The following DOCK3 variants were observed in gnomAD, a reference collection of about 807,000 sequenced individuals.
The protein encoded by DOCK3 is dedicator of cytokinesis protein 3.
DOCK3 carries 60 observed loss-of-function variants against 265.6 expected under a neutral mutation model. The ratio of observed to expected loss-of-function variants is 0.23; its 90% CI spans 0.18 to 0.28. The LOEUF (loss-of-function observed/expected upper bound fraction) is 0.28. Among genes scored for constraint, DOCK3 ranks in the 10% least tolerant of loss-of-function variants. DOCK3 has a pLI of 1.00. For synonymous variants in DOCK3, 881 were observed against 938.0 expected, an observed-to-expected ratio of 0.94 and a Z score of 1.11; for missense variants, 1,981 against 2,594.3, an observed-to-expected ratio of 0.76 and a Z score of 5.14.
intron 32 of DOCK3, among the ~76,000 whole-genome samples, chr3:51,326,870 C>T (rs1165644460): frequency 6.6e-6 from 1 of 152,084 alleles, no homozygotes; most frequent in Non-Finnish European, 1.5e-5. Context: ...TGTGATCCAC[C>T]TGCCTCCATC....
In DOCK3 at chr3:51,380,203, G is replaced by T. The variant is rs1359432040; in HGVS notation, c.5579G>T (p.Arg1860Leu). 2 of 1,607,696 alleles carry T rather than the reference G, an allele frequency of 1.2e-6. No individual in the cohort carries two copies. Among genetic ancestry groups the T allele is most frequent in the Non-Finnish European group, 1.7e-6 (2 of 1,175,938 alleles). The change falls in exon 52 of 53, where the codon CGC (arginine) becomes CTC (leucine). Residue 1860 changes from arginine (R) to leucine (L), a missense_variant. Physicochemically the swap from Arg to Leu is moderately radical, Grantham distance 102. Coordinates refer to ENST00000266037, the MANE Select transcript of DOCK3 (RefSeq NM_004947.5). ...TPPALPARTL[R>L]KSPLHPIPAS... Reference sequence around the variant, plus strand: ...CCAGCCCTCCCTGCCCGGACCCTGCGCAAGGTAATGTACTGAAGCGGCAGC... The same window carrying T: ...CCAGCCCTCCCTGCCCGGACCCTGCTCAAGGTAATGTACTGAAGCGGCAGC...
intron 13 of DOCK3, 83 bp downstream of exon 13, chr3:51,208,945 T>C: frequency 1.6e-6 from 2 of 1,214,992 alleles, no homozygotes; most frequent in African/African-American, 3.0e-5. Context: ...TGGTGCAGAT[T>C]GGCTGCTGTA....
intron 13 of DOCK3, among the ~76,000 whole-genome samples, chr3:51,210,034 T>C (rs764361391): frequency 3.5e-4 from 53 of 152,262 alleles, no homozygotes; most frequent in Non-Finnish European, 6.6e-4. Context: ...GGGAAACTAC[T>C]ATTCACATCA....
chr3:51,312,984 C>A, intron 31 of DOCK3, 82 bp downstream of exon 31: 1 of 1,306,680 alleles, frequency 7.7e-7, no homozygotes, highest in Non-Finnish European at 1.1e-6. Context: ...ATCTCCCAGG[C>A]TTTATGAATG....
At chr3:51,334,340 A>G (rs1468507707) in intron 35 of DOCK3, among the ~76,000 whole-genome samples, 2 of 152,296 alleles carry the variant, frequency 1.3e-5, no homozygotes, top group East Asian at 3.9e-4. Flanking sequence ...GCTCCAAGCA[A>G]TAGTTGCCTT....
At chr3:50,697,539 C>T (rs71326945) in intron 1 of DOCK3, among the ~76,000 whole-genome samples, 14,390 of 152,122 alleles carry the variant, frequency 0.095, 839 homozygotes, top group Non-Finnish European at 0.12. Context: ...TGCAGTGAGC[C>T]GAGATCGTGC....
At chr3:51,188,005 G>A (rs1179232313) in intron 12 of DOCK3, among the ~76,000 whole-genome samples, 1 of 152,142 alleles carries the variant, frequency 6.6e-6, no homozygotes, top group African/African-American at 2.4e-5. Flanking sequence ...GATAACGTGG[G>A]CAGAGTGGGC....
intron 5 of DOCK3, among the ~76,000 whole-genome samples, chr3:50,938,694 A>G (rs1258594570): frequency 1.3e-5 from 2 of 152,056 alleles, no homozygotes; most frequent in Admixed American, 1.3e-4. Flanking sequence ...AATAAAAGCT[A>G]TATCAAAATG....
At position 51,064,512 on chromosome 3, in the gene DOCK3, G is replaced by A; in HGVS notation, c.380G>A (p.Arg127Lys). Residue 127 changes from arginine to lysine, a missense_variant, in exon 6 of 53, where the codon AGG (arginine) becomes AAG (lysine). Physicochemically the swap from Arg to Lys is conservative, Grantham distance 26 (BLOSUM62 2). Around this residue, in one of 4 missense-constraint regions of DOCK3, gnomAD observed 456 missense variants for 539.0 expected, o/e 0.85. Coordinates refer to ENST00000266037, the MANE Select transcript of DOCK3 (RefSeq NM_004947.5). ...ATGAATGAACTTATTGACCTGCGAA[G>A]GCAGCTACTGTCTGGTCACCTGACT... ...HVMNELIDLR[R>K]QLLSGHLTQD... 6.2e-7 allele frequency: 1 copy of A among 1,613,998 alleles called. No homozygotes were observed. The highest frequency in any genetic ancestry group is 8.5e-7 in the Non-Finnish European group (1 of 1,179,878).
chr3:50,961,052 C>T (rs910736723), intron 5 of DOCK3, among the ~76,000 whole-genome samples: 1 of 152,126 alleles, frequency 6.6e-6, no homozygotes, highest in African/African-American at 2.4e-5. Flanking sequence ...TGTCTTTATA[C>T]AAATACCACA....
intron 27 of DOCK3, 47 bp from the exon 28 acceptor site, chr3:51,310,185 G>A (rs763378117): frequency 1.4e-6 from 2 of 1,467,320 alleles, no homozygotes; most frequent in Non-Finnish European, 1.9e-6. Flanking sequence ...TTGAGGAGAT[G>A]CATATTGTGG....
At chr3:50,947,350 A>G (rs982432790) in intron 5 of DOCK3, among the ~76,000 whole-genome samples, 2 of 152,072 alleles carry the variant, frequency 1.3e-5, no homozygotes, top group African/African-American at 2.4e-5. Context: ...TAAGTAGTCA[A>G]ATTATTTAGA....
intron 2 of DOCK3, among the ~76,000 whole-genome samples, chr3:50,822,472 A>G (rs1481604587): frequency 2.0e-5 from 3 of 152,176 alleles, no homozygotes; most frequent in Admixed American, 6.5e-5. Flanking sequence ...TTATACAATA[A>G]AGATTTAAGG....
At chr3:50,958,945 ATT>A (rs2076807348) in intron 5 of DOCK3, among the ~76,000 whole-genome samples, 1 of 152,164 alleles carries the variant, frequency 6.6e-6, no homozygotes, top group Non-Finnish European at 1.5e-5. Context: ...AAATTCATTC[ATT>A]TTAAGTATAG....
chr3:51,357,250 C>G, intron 44 of DOCK3, 109 bp downstream of exon 44: 2 of 1,254,740 alleles, frequency 1.6e-6, no homozygotes, highest in Non-Finnish European at 2.2e-6. Flanking sequence ...TCCCTACATG[C>G]CCTCTCTTGA....
At chr3:50,681,606 C>A (rs893930462) in intron 1 of DOCK3, among the ~76,000 whole-genome samples, 1 of 152,058 alleles carries the variant, frequency 6.6e-6, no homozygotes, top group African/African-American at 2.4e-5. Context: ...TTTTTTTATA[C>A]ATCACCAAAT....
At chr3:50,931,031 G>A (rs1017049242) in intron 4 of DOCK3, among the ~76,000 whole-genome samples, 1 of 152,148 alleles carries the variant, frequency 6.6e-6, no homozygotes, top group African/African-American at 2.4e-5. Context: ...TAAGGGTGAC[G>A]GCGGTGCAGT....
chr3:50,927,526 T>A (rs2050823163), intron 4 of DOCK3, among the ~76,000 whole-genome samples: 1 of 152,210 alleles, frequency 6.6e-6, no homozygotes, highest in Non-Finnish European at 1.5e-5. Flanking sequence ...GAATATTACG[T>A]GTACCCCATA....
intron 2 of DOCK3, among the ~76,000 whole-genome samples, chr3:50,794,301 TTGA>T (rs1235260779): frequency 6.6e-6 from 1 of 152,216 alleles, no homozygotes; most frequent in Non-Finnish European, 1.5e-5. Flanking sequence ...AATTTCTGCC[TTGA>T]TGATCTATTG....
Sources: allele counts gnomAD v4.1 joint callset (sites outside exome capture counted in the v4.1 genomes callset), GRCh38; gene constraint gnomAD v4.1.1; regional missense constraint gnomAD v4.1.1; transcripts MANE v1.5; gene names NCBI Gene and HGNC (gene_info 2026-07-23, HGNC 2026-07-21).